GRIP1: variants seen among roughly 807,000 people sequenced by gnomAD.
The protein encoded by GRIP1 is glutamate receptor interacting protein 1, also known as glutamate receptor-interacting protein 1.
In GRIP1, 45 loss-of-function variants were observed where a neutral mutation model predicts 129.9. The ratio of observed to expected loss-of-function variants is 0.35; its 90% CI spans 0.27 to 0.44. The LOEUF is 0.44. Among genes scored for constraint, GRIP1 ranks in the 20% least tolerant of loss-of-function variants. GRIP1 has a pLI of 1.00. For missense variants in GRIP1, 1,196 were observed against 1,396.8 expected (o/e 0.86, Z 2.29); for synonymous variants, 530 against 520.8 (o/e 1.02, Z -0.24).
intron 24 of GRIP1, among the ~76,000 whole-genome samples, chr12:66,351,746 G>A (rs1023256507): frequency 2.6e-5 from 4 of 152,116 alleles, no homozygotes; most frequent in Admixed American, 6.6e-5. Context: ...GTGGTGTCTG[G>A]TGAAGTTAGG....
chr12:66,642,467 A>C, intron 1 of GRIP1, among the ~76,000 whole-genome samples: 1 of 152,068 alleles, frequency 6.6e-6, no homozygotes, highest in Middle Eastern at 3.2e-3. Context: ...TAGATTGTTA[A>C]GTAAGAGCCA....
intron 1 of GRIP1, among the ~76,000 whole-genome samples, chr12:66,972,972 A>G (rs1592412059): frequency 2.0e-5 from 3 of 152,298 alleles, no homozygotes; most frequent in South Asian, 4.1e-4. Context: ...AATGGGATAC[A>G]ATGGCAGTAT....
chr12:66,987,921 C>T (rs879766108), intron 1 of GRIP1, among the ~76,000 whole-genome samples: 3 of 152,194 alleles, frequency 2.0e-5, no homozygotes, highest in Non-Finnish European at 4.4e-5. Flanking sequence ...TGAACGCTTC[C>T]CCTTCCTTTG....
chr12:66,601,842 A>G (rs763584692), intron 1 of GRIP1, among the ~76,000 whole-genome samples: 3 of 152,214 alleles, frequency 2.0e-5, no homozygotes, highest in Non-Finnish European at 4.4e-5. Flanking sequence ...CTTGAATTCA[A>G]TTAAATGCCA....
At chr12:66,938,938 T>C (rs534487270) in intron 1 of GRIP1, among the ~76,000 whole-genome samples, 4 of 150,840 alleles carry the variant, frequency 2.7e-5, no homozygotes, top group African/African-American at 7.3e-5. Flanking sequence ...ACCTGGGCAA[T>C]AGAGCAAGAC....
At chr12:66,386,575 A>G (rs1361071699) in intron 19 of GRIP1, among the ~76,000 whole-genome samples, 2 of 152,192 alleles carry the variant, frequency 1.3e-5, no homozygotes, top group African/African-American at 4.8e-5. Context: ...CGGAGCTTAC[A>G]GTGAGCTGAG....
chr12:66,956,304 C>T (rs529217871), intron 1 of GRIP1, among the ~76,000 whole-genome samples: 3 of 152,172 alleles, frequency 2.0e-5, no homozygotes, highest in South Asian at 4.2e-4. Context: ...GGGGTTTTCG[C>T]TGTTGCTATT....
At chr12:66,412,810 A>C (rs993135536) in intron 15 of GRIP1, among the ~76,000 whole-genome samples, 1 of 152,194 alleles carries the variant, frequency 6.6e-6, no homozygotes. Context: ...AGCAATGAAA[A>C]ACTGACAAAA....
chr12:66,796,426 T>C (rs1352339980), intron 1 of GRIP1, among the ~76,000 whole-genome samples: 1 of 152,142 alleles, frequency 6.6e-6, no homozygotes, highest in Non-Finnish European at 1.5e-5. Context: ...CTTTTATCTC[T>C]GGAGGCTTTA....
chr12:66,482,735 G>A (rs899879666), intron 7 of GRIP1, among the ~76,000 whole-genome samples: 1 of 152,038 alleles, frequency 6.6e-6, no homozygotes. Flanking sequence ...GGATAAATGG[G>A]GCACTCTTAT....
intron 19 of GRIP1, among the ~76,000 whole-genome samples, chr12:66,381,446 ACC>A (rs1258877195): frequency 6.6e-6 from 1 of 152,100 alleles, no homozygotes; most frequent in Non-Finnish European, 1.5e-5. Flanking sequence ...AATCAAACCA[ACC>A]CCAAATACAT....
At chr12:66,826,410 CCTG>C (rs1273472548) in intron 1 of GRIP1, among the ~76,000 whole-genome samples, 2 of 152,140 alleles carry the variant, frequency 1.3e-5, no homozygotes, top group East Asian at 3.9e-4. Context: ...ATGTTATAAA[CCTG>C]CATGTTCTGC....
intron 23 of GRIP1, 135 bp from the exon 24 acceptor site, chr12:66,353,698 C>T: frequency 1.2e-6 from 1 of 803,380 alleles, no homozygotes; most frequent in Non-Finnish European, 2.2e-6. Context: ...CAGCTCCCTG[C>T]ACCAATCCTG....
At chr12:66,396,036 A>C (rs530823763) in intron 16 of GRIP1, among the ~76,000 whole-genome samples, 2 of 152,356 alleles carry the variant, frequency 1.3e-5, no homozygotes, top group Non-Finnish European at 2.9e-5. Flanking sequence ...TGGATAGATT[A>C]CATGTACTTT....
At chr12:66,719,805 CTT>C (rs1828232454) in intron 1 of GRIP1, among the ~76,000 whole-genome samples, 1 of 152,134 alleles carries the variant, frequency 6.6e-6, no homozygotes, top group South Asian at 2.1e-4. Flanking sequence ...AATGTTCGGG[CTT>C]ATGTACAATT....
At chr12:66,466,133 A>G (rs1398225620) in intron 7 of GRIP1, among the ~76,000 whole-genome samples, 1 of 152,216 alleles carries the variant, frequency 6.6e-6, no homozygotes, top group African/African-American at 2.4e-5. Flanking sequence ...TAACATTTGC[A>G]TACTCAATGC....
chr12:66,635,335 G>A (rs2140070087), intron 1 of GRIP1, among the ~76,000 whole-genome samples: 1 of 151,678 alleles, frequency 6.6e-6, no homozygotes, highest in South Asian at 2.1e-4. Flanking sequence ...GAAGCAAGAG[G>A]ATCACTTGAG....
chr12:66,852,632 C>T (rs1002973547), intron 1 of GRIP1, among the ~76,000 whole-genome samples: 24 of 150,966 alleles, frequency 1.6e-4, no homozygotes, highest in Admixed American at 1.5e-3. Flanking sequence ...TAAAATAAAT[C>T]TGGATTTCTT....
At chr12:66,896,811 C>T (rs991810421) in intron 1 of GRIP1, among the ~76,000 whole-genome samples, 3 of 152,282 alleles carry the variant, frequency 2.0e-5, no homozygotes, top group South Asian at 2.1e-4. Flanking sequence ...TTAAGTGTCA[C>T]GAAACAAGAA....
Sources: gnomAD v4.1 joint callset for allele counts (sites outside exome capture counted in the v4.1 genomes callset) on GRCh38, gnomAD v4.1.1 for gene constraint, MANE v1.5 for transcripts, NCBI Gene and HGNC (gene_info 2026-07-23, HGNC 2026-07-21) for gene names.